The following LINGO2 variants were observed in gnomAD, a reference collection of about 807,000 sequenced individuals.
LINGO2 encodes the protein leucine-rich repeat and immunoglobulin-like domain-containing nogo receptor-interacting protein 2.
LINGO2 carries 14 observed loss-of-function variants against 30.6 expected under a neutral mutation model. That is an observed-to-expected ratio of 0.46 (90% CI 0.30 to 0.72). The LOEUF (loss-of-function observed/expected upper bound fraction) is 0.72, where lower values mean the gene tolerates loss of function less well. LINGO2 is among the 30% of genes least tolerant of loss of function. The pLI is 0.07. For synonymous variants in LINGO2, 317 were observed against 288.5 expected (o/e 1.10, Z -1.00); for missense variants, 729 against 751.7 (o/e 0.97, Z 0.35).
exon 6 of LINGO2, chr9:27,949,250 C>T (rs117465750): frequency 6.2e-7 from 1 of 1,614,056 alleles, no homozygotes; most frequent in East Asian, 2.2e-5. Context: ...TGTCTTGATC[C>T]TGGGCAAAGC....
chr9:28,603,954 C>T (rs1825597964), intron 1 of LINGO2, among the ~76,000 whole-genome samples: 1 of 152,034 alleles, frequency 6.6e-6, no homozygotes, highest in Non-Finnish European at 1.5e-5. Flanking sequence ...ATTGTTTCTT[C>T]TGTTTTCTCT....
At chr9:27,961,155 T>C (rs1313898767) in intron 5 of LINGO2, among the ~76,000 whole-genome samples, 1 of 152,166 alleles carries the variant, frequency 6.6e-6, no homozygotes, top group Non-Finnish European at 1.5e-5. Flanking sequence ...TTAGATGATA[T>C]TGTCCACCTT....
At chr9:29,206,445 CT>C in the LINGO2 span, among the ~76,000 whole-genome samples, 1 of 152,166 alleles carries the variant, frequency 6.6e-6, no homozygotes, top group Non-Finnish European at 1.5e-5. Flanking sequence ...TTTGTCCCAA[CT>C]CAGCAGCAAA....
At chr9:28,636,639 G>C (rs1371116367) in intron 1 of LINGO2, among the ~76,000 whole-genome samples, 2 of 152,108 alleles carry the variant, frequency 1.3e-5, no homozygotes, top group Non-Finnish European at 2.9e-5. Context: ...AGAAGTGTCT[G>C]TTCATATCCT....
At chr9:28,448,166 A>C (rs1010879634) in intron 2 of LINGO2, among the ~76,000 whole-genome samples, 1 of 152,170 alleles carries the variant, frequency 6.6e-6, no homozygotes, top group African/African-American at 2.4e-5. Flanking sequence ...AGATAGAATA[A>C]AGGACAAATA....
intron 1 of LINGO2, among the ~76,000 whole-genome samples, chr9:28,619,013 C>T (rs1246380594): frequency 1.3e-5 from 2 of 152,098 alleles, no homozygotes; most frequent in Non-Finnish European, 2.9e-5. Flanking sequence ...TAAATGATTG[C>T]CACTTGTGTT....
chr9:28,257,309 G>C (rs993342350), intron 4 of LINGO2, among the ~76,000 whole-genome samples: 1 of 151,684 alleles, frequency 6.6e-6, no homozygotes, highest in African/African-American at 2.4e-5. Flanking sequence ...CTACCATTTT[G>C]TCTATATCAG....
At chr9:29,011,508 G>T in the LINGO2 span, among the ~76,000 whole-genome samples, 1 of 152,132 alleles carries the variant, frequency 6.6e-6, no homozygotes, top group African/African-American at 2.4e-5. Context: ...ATACAATTGT[G>T]AAAAGTGAAT....
the LINGO2 span, among the ~76,000 whole-genome samples, chr9:29,050,366 CAT>C: frequency 9.4e-4 from 143 of 152,126 alleles, no homozygotes; most frequent in Non-Finnish European, 1.6e-3. Flanking sequence ...CAAAACATCT[CAT>C]GTATTCCATA....
At chr9:28,654,561 G>A (rs969102280) in intron 1 of LINGO2, among the ~76,000 whole-genome samples, 1 of 152,040 alleles carries the variant, frequency 6.6e-6, no homozygotes, top group Admixed American at 6.6e-5. Flanking sequence ...TTAAGTTTCA[G>A]TTTATTCATC....
At chr9:28,159,336 TA>T (rs890783106) in intron 4 of LINGO2, among the ~76,000 whole-genome samples, 1 of 152,308 alleles carries the variant, frequency 6.6e-6, no homozygotes, top group East Asian at 1.9e-4. Context: ...TCTCCTTAGC[TA>T]AAAAATGTAA....
chr9:29,008,170 T>C, the LINGO2 span, among the ~76,000 whole-genome samples: 18 of 152,152 alleles, frequency 1.2e-4, no homozygotes, highest in Non-Finnish European at 2.4e-4. Flanking sequence ...AGTGAGAACA[T>C]GTGATGTTTG....
At chr9:28,369,219 C>G (rs1474071955) in intron 3 of LINGO2, among the ~76,000 whole-genome samples, 3 of 152,186 alleles carry the variant, frequency 2.0e-5, no homozygotes, top group African/African-American at 7.2e-5. Context: ...AACCTTCTGT[C>G]ATGCTACTAT....
chr9:28,381,969 G>A (rs751391572), intron 2 of LINGO2, among the ~76,000 whole-genome samples: 18 of 152,058 alleles, frequency 1.2e-4, no homozygotes, highest in Non-Finnish European at 1.2e-4. Flanking sequence ...TTACAATCAG[G>A]ATATTACAGT....
intron 4 of LINGO2, among the ~76,000 whole-genome samples, chr9:28,024,721 G>T (rs1331397713): frequency 6.6e-6 from 1 of 152,132 alleles, no homozygotes; most frequent in African/African-American, 2.4e-5. Flanking sequence ...GCATCTTCAT[G>T]GATATCCTCA....
At chr9:28,651,119 C>G (rs1828083775) in intron 1 of LINGO2, among the ~76,000 whole-genome samples, 1 of 151,454 alleles carries the variant, frequency 6.6e-6, no homozygotes, top group African/African-American at 2.4e-5. Flanking sequence ...GGAGGCAGAG[C>G]TTGCAGTGAG....
At chr9:28,456,481 A>G (rs1461400189) in intron 2 of LINGO2, among the ~76,000 whole-genome samples, 2 of 152,210 alleles carry the variant, frequency 1.3e-5, no homozygotes, top group Non-Finnish European at 2.9e-5. Flanking sequence ...TAAAATGTGG[A>G]AAGAGTACCA....
chr9:29,101,260 A>G, the LINGO2 span, among the ~76,000 whole-genome samples: 1 of 152,230 alleles, frequency 6.6e-6, no homozygotes, highest in African/African-American at 2.4e-5. Context: ...TAGGTCTGAC[A>G]GTAAAAAGTA....
chr9:29,194,087 C>T, the LINGO2 span, among the ~76,000 whole-genome samples: 1 of 152,178 alleles, frequency 6.6e-6, no homozygotes. Flanking sequence ...CAGCTTCCTT[C>T]TCTGTAAAAT....
Sources: gnomAD v4.1 joint callset for allele counts (sites outside exome capture counted in the v4.1 genomes callset) on GRCh38, gnomAD v4.1.1 for gene constraint, MANE v1.5 for transcripts, NCBI Gene and HGNC (gene_info 2026-07-23, HGNC 2026-07-21) for gene names.